The following PCCA variants were observed in gnomAD, a reference collection of about 807,000 sequenced individuals.
PCCA encodes propionyl-CoA carboxylase subunit alpha.
A neutral mutation model predicts 101.3 loss-of-function variants in PCCA; 74 were observed. The ratio of observed to expected loss-of-function variants is 0.73; its 90% CI spans 0.61 to 0.89. The LOEUF is 0.89. Ranked by LOEUF, PCCA falls within the 40% of genes least tolerant of loss-of-function variation. The pLI is 0.00. For missense variants in PCCA, 891 were observed against 907.0 expected (o/e 0.98, Z 0.23); for synonymous variants, 294 against 313.6 (o/e 0.94, Z 0.66).
At chr13:100,440,204 ATAT>A (rs2080262662) in intron 20 of PCCA, among the ~76,000 whole-genome samples, 3 of 101,620 alleles carry the variant, frequency 3.0e-5, no homozygotes, top group Non-Finnish European at 5.9e-5. Context: ...ATATATATAT[ATAT>A]ATAAAACGTG....
At chr13:100,335,353 A>G (rs1024403001) in intron 17 of PCCA, among the ~76,000 whole-genome samples, 3 of 152,190 alleles carry the variant, frequency 2.0e-5, no homozygotes, top group Non-Finnish European at 2.9e-5. Context: ...AAGAAAGGAA[A>G]TAGCATTTGG....
chr13:100,360,335 T>C (rs1438753889), intron 18 of PCCA, among the ~76,000 whole-genome samples: 1 of 152,056 alleles, frequency 6.6e-6, no homozygotes, highest in Non-Finnish European at 1.5e-5. Context: ...AGCCAAACCA[T>C]ATCAGACCTA....
chr13:100,147,424 G>A (rs768365267), intron 4 of PCCA, among the ~76,000 whole-genome samples: 1 of 152,174 alleles, frequency 6.6e-6, no homozygotes, highest in Non-Finnish European at 1.5e-5. Flanking sequence ...CTCTGGTAGG[G>A]CTTTAAGATC....
At chr13:100,166,983 T>C (rs935976443) in intron 6 of PCCA, among the ~76,000 whole-genome samples, 17 of 152,228 alleles carry the variant, frequency 1.1e-4, no homozygotes, top group Non-Finnish European at 2.4e-4. Flanking sequence ...TGATTAATAA[T>C]GTTGAGCTCA....
intron 4 of PCCA, among the ~76,000 whole-genome samples, chr13:100,121,515 C>T (rs1326259737): frequency 6.6e-6 from 1 of 150,428 alleles, no homozygotes; most frequent in Admixed American, 6.7e-5. Flanking sequence ...CATTCTGTTG[C>T]CCAGGCTGGA....
At chr13:100,481,018 ACACTGTGG>A (rs2083871734) in intron 21 of PCCA, 1 of 152,238 alleles carries the variant, frequency 6.6e-6, no homozygotes, top group South Asian at 2.1e-4. Context: ...CACTTAGCCC[ACACTGTGG>A]CTGTAACTTT....
chr13:100,173,055 C>T (rs2055863846), intron 6 of PCCA, among the ~76,000 whole-genome samples: 1 of 152,068 alleles, frequency 6.6e-6, no homozygotes, highest in African/African-American at 2.4e-5. Flanking sequence ...TTTATTCAGC[C>T]TTTTGGTATC....
At chr13:100,511,113 C>T (rs2086446157) in intron 21 of PCCA, among the ~76,000 whole-genome samples, 1 of 152,168 alleles carries the variant, frequency 6.6e-6, no homozygotes, top group South Asian at 2.1e-4. Flanking sequence ...TAATTGTGTA[C>T]CCTACAAAGA....
chr13:100,286,060 A>G (rs1566867031), intron 12 of PCCA, among the ~76,000 whole-genome samples: 1 of 152,046 alleles, frequency 6.6e-6, no homozygotes, highest in Non-Finnish European at 1.5e-5. Context: ...TCCTTTCCAG[A>G]TGTGCATACC....
intron 21 of PCCA, among the ~76,000 whole-genome samples, chr13:100,509,545 G>T (rs1209521408): frequency 6.6e-6 from 1 of 152,222 alleles, no homozygotes; most frequent in Non-Finnish European, 1.5e-5. Flanking sequence ...TAAAAGGGAA[G>T]AGTAACATTC....
At chr13:100,503,897 G>C (rs1034714696) in intron 21 of PCCA, among the ~76,000 whole-genome samples, 1 of 152,354 alleles carries the variant, frequency 6.6e-6, no homozygotes, top group East Asian at 1.9e-4. Flanking sequence ...GACAGAGTGA[G>C]ATCCTCAATA....
At chr13:100,511,404 T>G (rs2086469017) in intron 21 of PCCA, among the ~76,000 whole-genome samples, 1 of 152,152 alleles carries the variant, frequency 6.6e-6, no homozygotes. Context: ...CCAGAAGGTG[T>G]AAAACCTTGA....
At chr13:100,202,182 A>C (rs1296722939) in intron 6 of PCCA, among the ~76,000 whole-genome samples, 5 of 151,216 alleles carry the variant, frequency 3.3e-5, no homozygotes, top group Non-Finnish European at 4.4e-5. Context: ...AAAAAAAAAA[A>C]AAAAAACTGG....
At chr13:100,224,329 A>G (rs1188888633) in intron 7 of PCCA, among the ~76,000 whole-genome samples, 4 of 152,236 alleles carry the variant, frequency 2.6e-5, no homozygotes, top group Non-Finnish European at 5.9e-5. Context: ...CGGCAGGGCC[A>G]GCCGGCTGCT....
chr13:100,123,365 C>T (rs1320503174), intron 4 of PCCA, among the ~76,000 whole-genome samples: 1 of 151,998 alleles, frequency 6.6e-6, no homozygotes, highest in Non-Finnish European at 1.5e-5. Flanking sequence ...CTGAATAACT[C>T]TTTAGAAACA....
At chr13:100,208,065 A>G (rs2058977109) in intron 6 of PCCA, among the ~76,000 whole-genome samples, 1 of 152,042 alleles carries the variant, frequency 6.6e-6, no homozygotes, top group South Asian at 2.1e-4. Flanking sequence ...AATAACCCCT[A>G]TACCTCTATA....
intron 6 of PCCA, among the ~76,000 whole-genome samples, chr13:100,203,778 A>G (rs2058684248): frequency 6.6e-6 from 1 of 152,230 alleles, no homozygotes; most frequent in Non-Finnish European, 1.5e-5. Flanking sequence ...ATTTCTTTTT[A>G]AAGAGCCATG....
In PCCA at chr13:100,193,807, C is replaced by T. The variant is rs138415924; in HGVS notation, c.469-15525C>T. On this transcript the variant is annotated intron_variant, in intron 6 of 23. Coordinates refer to ENST00000376285, the MANE Select transcript of PCCA (RefSeq NM_000282.4). ...TTAATTATAAATCATAGTCCGGGTG[C>T]GGTGGCTCATGCCTGTAATCCCAGC... is the stretch of plus-strand genomic sequence containing the variant. Among the ~76,000 whole-genome samples, 56 of 152,134 alleles carry T rather than the reference C, an allele frequency of 3.7e-4. No individual in the cohort carries two copies. In the East Asian group the frequency reaches 7.9e-3, roughly 22 times the overall value.
chr13:100,261,334 G>A (rs2062491467), intron 9 of PCCA, among the ~76,000 whole-genome samples: 1 of 151,670 alleles, frequency 6.6e-6, no homozygotes, highest in South Asian at 2.1e-4. Context: ...TTACTTTTAG[G>A]CAAGCAAGTT....
Sources: allele counts gnomAD v4.1 joint callset (sites outside exome capture counted in the v4.1 genomes callset), GRCh38; gene constraint gnomAD v4.1.1; transcripts MANE v1.5; gene names NCBI Gene and HGNC (gene_info 2026-07-23, HGNC 2026-07-21).